Variants in TAOK1 observed in about 807,000 individuals in gnomAD.
The protein encoded by TAOK1 is serine/threonine-protein kinase TAO1.
In TAOK1, 21 loss-of-function variants were observed where a neutral mutation model predicts 138.3. The observed-to-expected ratio is 0.15, with a 90% CI of 0.11 to 0.22. The LOEUF is 0.22. TAOK1 is among the 10% of genes least tolerant of loss of function. The pLI, the probability that TAOK1 is intolerant of heterozygous loss-of-function variation, is 1.00. For missense variants in TAOK1, 651 were observed against 1,227.7 expected (o/e 0.53, Z 7.02); for synonymous variants, 361 against 398.4 (o/e 0.91, Z 1.12).
intron 1 of TAOK1, among the ~76,000 whole-genome samples, chr17:29,447,569 C>T (rs1209520340): frequency 2.0e-5 from 3 of 152,020 alleles, no homozygotes; most frequent in Non-Finnish European, 4.4e-5. Flanking sequence ...AAGCTCCTGA[C>T]CTCAAGTGAT....
intron 1 of TAOK1, among the ~76,000 whole-genome samples, chr17:29,421,159 G>C (rs6505128): frequency 0.62 from 94,411 of 151,656 alleles, 30,544 homozygotes; most frequent in East Asian, 0.97. Flanking sequence ...CAGTCTCCTC[G>C]ACCTTGTGAT....
intron 1 of TAOK1, among the ~76,000 whole-genome samples, chr17:29,432,141 A>C (rs62066577): frequency 2.0e-5 from 3 of 152,186 alleles, no homozygotes; most frequent in Non-Finnish European, 2.9e-5. Flanking sequence ...CAGAGCTGAG[A>C]GCCTCAAACA....
chr17:29,477,793 A>G (rs113227745), intron 5 of TAOK1, 87 bp downstream of exon 5: 21 of 793,966 alleles, frequency 2.6e-5, no homozygotes, highest in East Asian at 2.6e-4. Context: ...AATACCAAAT[A>G]ATGTAAAACT....
intron 18 of TAOK1, among the ~76,000 whole-genome samples, chr17:29,531,424 C>T (rs190195647): frequency 2.1e-3 from 322 of 151,994 alleles, no homozygotes; most frequent in African/African-American, 7.5e-3. Context: ...AGATTACAGG[C>T]GCAAAATATT....
chr17:29,431,739 A>G (rs1285526718), intron 1 of TAOK1, among the ~76,000 whole-genome samples: 1 of 151,868 alleles, frequency 6.6e-6, no homozygotes, highest in African/African-American at 2.4e-5. Flanking sequence ...TCCTTGGTTC[A>G]AGCAATTCTG....
intron 15 of TAOK1, among the ~76,000 whole-genome samples, chr17:29,515,583 C>G (rs1379829337): frequency 6.6e-6 from 1 of 152,058 alleles, no homozygotes; most frequent in African/African-American, 2.4e-5. Flanking sequence ...CACGTGTAAT[C>G]CCAGTACTTT....
chr17:29,443,881 G>A (rs1434032144), intron 1 of TAOK1, among the ~76,000 whole-genome samples: 2 of 151,934 alleles, frequency 1.3e-5, no homozygotes, highest in East Asian at 1.9e-4. Flanking sequence ...TTGGGAGGCC[G>A]AAGCGGGCAG....
At chr17:29,533,010 G>A (rs1299642799) in intron 18 of TAOK1, among the ~76,000 whole-genome samples, 6 of 110,564 alleles carry the variant, frequency 5.4e-5, no homozygotes, top group Admixed American at 8.9e-5. Flanking sequence ...CTCCAACCGG[G>A]CGGGGGGCTG....
intron 2 of TAOK1, among the ~76,000 whole-genome samples, chr17:29,459,273 A>G (rs1044895052): frequency 1.1e-4 from 16 of 151,940 alleles, no homozygotes; most frequent in African/African-American, 3.9e-4. Context: ...CAAGGATTGT[A>G]GTCTCTAAAG....
intron 8 of TAOK1, among the ~76,000 whole-genome samples, chr17:29,486,627 G>C (rs1279864934): frequency 1.3e-5 from 2 of 150,836 alleles, no homozygotes; most frequent in Non-Finnish European, 2.9e-5. Context: ...AGTGAGATCT[G>C]ACTCAAGAAA....
intron 16 of TAOK1, among the ~76,000 whole-genome samples, chr17:29,520,911 C>T (rs1435121513): frequency 2.0e-5 from 3 of 151,802 alleles, no homozygotes; most frequent in Non-Finnish European, 4.4e-5. Flanking sequence ...GTAGTCCCAG[C>T]TACTCGGGAG....
chr17:29,495,475 TA>T (rs2031393882), intron 10 of TAOK1, 84 bp from the exon 11 acceptor site: 6 of 1,156,946 alleles, frequency 5.2e-6, no homozygotes, highest in Middle Eastern at 2.1e-4. Flanking sequence ...TTATCTATCA[TA>T]GGATATTATC....
At chr17:29,403,160 CAAAAAA>C (rs34253777) in intron 1 of TAOK1, among the ~76,000 whole-genome samples, 7 of 60,040 alleles carry the variant, frequency 1.2e-4, no homozygotes, top group African/African-American at 2.8e-4. Context: ...GATTTTGTCT[CAAAAAA>C]AAAAAAAAAA....
chr17:29,426,571 G>T (rs919528668), intron 1 of TAOK1, among the ~76,000 whole-genome samples: 2 of 152,212 alleles, frequency 1.3e-5, no homozygotes, highest in African/African-American at 4.8e-5. Flanking sequence ...AGGGGCATCT[G>T]TCAAAGGGGC....
chr17:29,505,767 C>G (rs371354601), intron 13 of TAOK1, among the ~76,000 whole-genome samples: 1 of 151,956 alleles, frequency 6.6e-6, no homozygotes, highest in East Asian at 1.9e-4. Context: ...AACCCTGTCT[C>G]TACTAAAAAT....
intron 1 of TAOK1, among the ~76,000 whole-genome samples, chr17:29,426,241 T>G (rs1370986354): frequency 6.6e-6 from 1 of 152,194 alleles, no homozygotes; most frequent in East Asian, 1.9e-4. Context: ...TTAGGTGCTA[T>G]GTAGTAGGTG....
chr17:29,529,043 T>C (rs2032060968), intron 17 of TAOK1, among the ~76,000 whole-genome samples: 1 of 150,910 alleles, frequency 6.6e-6, no homozygotes, highest in African/African-American at 2.4e-5. Flanking sequence ...GCAATCATGG[T>C]TCACCGCAGC....
chr17:29,437,545 G>A (rs9916412), intron 1 of TAOK1, among the ~76,000 whole-genome samples: 122,027 of 152,026 alleles, frequency 0.8, 49,756 homozygotes, highest in East Asian at 0.98. Flanking sequence ...ACCTATTATT[G>A]AAAGTTATTT....
At chr17:29,428,104 C>A (rs1156621291) in intron 1 of TAOK1, among the ~76,000 whole-genome samples, 1 of 151,986 alleles carries the variant, frequency 6.6e-6, no homozygotes, top group East Asian at 1.9e-4. Context: ...TTTTTCCAGA[C>A]TTGTATCATT....
Sources: gnomAD v4.1 joint callset for allele counts (sites outside exome capture counted in the v4.1 genomes callset) on GRCh38, gnomAD v4.1.1 for gene constraint, MANE v1.5 for transcripts, NCBI Gene and HGNC (gene_info 2026-07-23, HGNC 2026-07-21) for gene names.